Variants in UBASH3A observed in about 807,000 individuals in gnomAD.
UBASH3A encodes ubiquitin-associated and SH3 domain-containing protein A.
A neutral mutation model predicts 73.5 loss-of-function variants in UBASH3A; 63 were observed. That is an observed-to-expected ratio of 0.86 (90% CI 0.70 to 1.06). UBASH3A has a LOEUF of 1.06. Ranked by LOEUF, UBASH3A falls within the 50% of genes least tolerant of loss-of-function variation. UBASH3A has a pLI of 0.00. For missense variants in UBASH3A, 860 were observed against 859.0 expected (o/e 1.00, Z -0.02); for synonymous variants, 363 against 351.1 (o/e 1.03, Z -0.38).
intron 7 of UBASH3A, among the ~76,000 whole-genome samples, chr21:42,421,045 G>A (rs757114957): frequency 9.8e-5 from 15 of 152,308 alleles, no homozygotes; most frequent in East Asian, 3.9e-4. Flanking sequence ...AGGAACTGTC[G>A]TTCAGTCTGG....
rs143964382 is a variant in UBASH3A, at chr21:42,445,915, C to A, written c.1849-1142C>A. On this transcript the variant is annotated intron_variant, in intron 14 of 14. Transcript: ENST00000319294. ...TGGGGACTGTCCGGGGCAGCCCCGG[C>A]ACCACCTGCTCCCAAAATGTTGCTC... is the stretch of plus-strand genomic sequence containing the variant. Among the ~76,000 whole-genome samples the A allele has an allele frequency of 7.0e-3, 1,066 of 152,262 alleles. 9 individuals are homozygous for A. The highest frequency in any genetic ancestry group is 0.024 in the African/African-American group (1,017 of 41,548).
Position 42,409,519 on chromosome 21 carries a change from C to CAA in UBASH3A, c.266_267dup (p.Glu90LysfsTer23), listed in dbSNP as rs1216700276. On this transcript the variant is annotated frameshift_variant, in exon 3 of 15. Coordinates refer to ENST00000319294, the MANE Select transcript of UBASH3A (RefSeq NM_018961.4). LOFTEE classifies it high-confidence loss of function. ...AACGGGGCCCCTGCTGGAAAAACTT[C>CAA]AAGAGTTCTGGAGAGAGAGCAAGCG... 1 of 1,614,012 alleles carries CAA rather than the reference C, an allele frequency of 6.2e-7. No homozygotes were observed. Among genetic ancestry groups the CAA allele is most frequent in the African/African-American group, 1.3e-5 (1 of 74,900 alleles).
chr21:42,444,169 G>T (rs2053805022), intron 13 of UBASH3A, among the ~76,000 whole-genome samples: 1 of 152,190 alleles, frequency 6.6e-6, no homozygotes, highest in Non-Finnish European at 1.5e-5. Context: ...GCAGGCTCGT[G>T]TGACAAAATA....
chr21:42,434,029 G>A (rs1434195805), intron 9 of UBASH3A, among the ~76,000 whole-genome samples: 1 of 152,152 alleles, frequency 6.6e-6, no homozygotes, highest in African/African-American at 2.4e-5. Flanking sequence ...ACTGGAGGGA[G>A]CAGTGTGTCG....
intron 11 of UBASH3A, among the ~76,000 whole-genome samples, chr21:42,442,016 T>C (rs2053754735): frequency 6.6e-6 from 1 of 152,208 alleles, no homozygotes; most frequent in Non-Finnish European, 1.5e-5. Context: ...GTGTAAGTGT[T>C]TATCAGGAAA....
At position 42,444,664 on chromosome 21, in the gene UBASH3A, C is replaced by A. The variant is rs530305447; in HGVS notation, c.1848+21C>A. The A allele has an allele frequency of 9.1e-6, 14 of 1,545,246 alleles. No individual in the cohort carries two copies. In the African/African-American group the frequency reaches 1.9e-4, roughly 21 times the overall value. On this transcript the variant is annotated intron_variant, in intron 14 of 14. Coordinates refer to ENST00000319294, the MANE Select transcript of UBASH3A (RefSeq NM_018961.4). ...GAAAGGTACGCGCCCACTCTTGGCT[C>A]TTTGGGCCACAAAATCAAGCATCCC...
chr21:42,439,623 C>T (rs554286227), intron 11 of UBASH3A, among the ~76,000 whole-genome samples: 9 of 152,070 alleles, frequency 5.9e-5, no homozygotes, highest in East Asian at 1.9e-4. Context: ...CTCCTCACAA[C>T]GCTGGCATGC....
intron 7 of UBASH3A, among the ~76,000 whole-genome samples, chr21:42,421,446 AT>A (rs1264858267): frequency 6.6e-6 from 1 of 152,182 alleles, no homozygotes; most frequent in Admixed American, 6.5e-5. Context: ...TATTTCACTC[AT>A]TTGTTTAATT....
intron 13 of UBASH3A, among the ~76,000 whole-genome samples, chr21:42,443,706 C>A (rs543641524): frequency 1.1e-3 from 157 of 147,724 alleles, no homozygotes; most frequent in Admixed American, 2.2e-3. Flanking sequence ...ATTTTCTGAA[C>A]CTATGAATGC....
intron 6 of UBASH3A, among the ~76,000 whole-genome samples, chr21:42,416,865 G>A (rs2053222970): frequency 6.6e-6 from 1 of 152,076 alleles, no homozygotes; most frequent in Non-Finnish European, 1.5e-5. Context: ...CCCGGGAGGC[G>A]GAGCTTGCAG....
chr21:42,422,733 T>G (rs950450639), intron 7 of UBASH3A, among the ~76,000 whole-genome samples: 6 of 152,266 alleles, frequency 3.9e-5, no homozygotes, highest in Admixed American at 3.9e-4. Flanking sequence ...TATTGATAAA[T>G]GAAAAAAATA....
rs757424402 is a variant in UBASH3A, at chr21:42,437,547, C to T, written c.1453C>T (p.Arg485Cys). Residue 485 changes from arginine (R) to cysteine (C), a missense_variant, in exon 11 of 15, where the codon CGC (arginine) becomes TGC (cysteine). Coordinates refer to ENST00000319294, the MANE Select transcript of UBASH3A (RefSeq NM_018961.4). ...ISSVFASPAL[R>C]CVQTAKLILE... ...CTCTGTGTTTGCCTCCCCAGCCCTCCGCTGTGTGCAGACGGCCAAACTCAT... is the reference window on the plus strand; with the variant it reads ...CTCTGTGTTTGCCTCCCCAGCCCTCTGCTGTGTGCAGACGGCCAAACTCAT... 1.1e-5 allele frequency: 18 copies of T among 1,614,134 alleles called. No individual in the cohort carries two copies. The highest frequency in any genetic ancestry group is 6.7e-5 in the East Asian group (3 of 44,904).
chr21:42,426,323 ACAGCCCCAT>A (rs887720068), intron 7 of UBASH3A, among the ~76,000 whole-genome samples: 2 of 152,236 alleles, frequency 1.3e-5, no homozygotes, highest in Non-Finnish European at 2.9e-5. Flanking sequence ...ATGGAGTCCA[ACAGCCCCAT>A]CATCTGAAGG....
Position 42,417,859 on chromosome 21 carries a change from C to CT in UBASH3A, c.838-532dup, listed in dbSNP as rs200264316. 2.8e-3 allele frequency among the ~76,000 whole-genome samples: 353 copies of CT among 125,646 alleles called. 1 individual carries two copies. Among genetic ancestry groups the CT allele is most frequent in the African/African-American group, 9.2e-3 (319 of 34,764 alleles). 82.4% of individuals were successfully genotyped at this position (125,646 alleles called of 152,430 possible). On this transcript the variant is annotated intron_variant, in intron 6 of 14. Coordinates refer to ENST00000319294, the MANE Select transcript of UBASH3A (RefSeq NM_018961.4). ...GATGGATAGATCCCAAAATGTATCT[C>CT]TTTTTTTTTTCTTTTTTTCTTTTTT...
In UBASH3A at chr21:42,413,456, T is replaced by C. The variant is rs2053142450; in HGVS notation, c.600T>C (p.His200=). 1.2e-6 allele frequency: 2 copies of C among 1,614,078 alleles called. No individual in the cohort carries two copies. Among genetic ancestry groups the C allele is most frequent in the African/African-American group, 1.3e-5 (1 of 74,930 alleles). ...RFWIFSQVPG[H]GPNLRLSNLT... is the part of the protein sequence containing the mutation. ...GGATTTTCAGCCAGGTGCCTGGACA[T>C]GGCCCTAACCTGAGGCTGAGCAATT... The change falls in exon 5 of 15, where the codon CAT becomes CAC. Residue 200 remains histidine, a synonymous_variant. Coordinates refer to ENST00000319294, the MANE Select transcript of UBASH3A (RefSeq NM_018961.4). This position sits in a 1 kb window ranked among gnomAD's most constrained non-coding sequence, Gnocchi z 4.5.
At chr21:42,437,342 G>T (rs578106830) in intron 10 of UBASH3A, 146 bp from the exon 11 acceptor site, 5 of 661,710 alleles carry the variant, frequency 7.6e-6, no homozygotes, top group Admixed American at 4.8e-5. Context: ...ACCCATACTT[G>T]GAGGCTGTGC....
chr21:42,435,133 C>A, intron 10 of UBASH3A, 179 bp downstream of exon 10: 1 of 644,030 alleles, frequency 1.6e-6, no homozygotes, highest in South Asian at 2.3e-5. Flanking sequence ...GGTCACACAG[C>A]AAGAAAGTGG....
chr21:42,424,214 G>A (rs1440087057), intron 7 of UBASH3A, among the ~76,000 whole-genome samples: 1 of 151,964 alleles, frequency 6.6e-6, no homozygotes, highest in African/African-American at 2.4e-5. Context: ...ACTGGCATTA[G>A]AGTGCCTGGA....
chr21:42,444,384 T>G, intron 13 of UBASH3A, 150 bp from the exon 14 acceptor site: 1 of 685,246 alleles, frequency 1.5e-6, no homozygotes, highest in Non-Finnish European at 2.6e-6. Context: ...CACTGAGCGG[T>G]TACCAGCCAC....
Sources: gnomAD v4.1 joint callset for allele counts (sites outside exome capture counted in the v4.1 genomes callset) on GRCh38, gnomAD v4.1.1 for gene constraint, Gnocchi (gnomAD v3.1) non-coding constraint, MANE v1.5 for transcripts, NCBI Gene and HGNC (gene_info 2026-07-23, HGNC 2026-07-21) for gene names.